Variants in FHIT observed in about 807,000 individuals in gnomAD.
FHIT encodes the protein fragile histidine triad diadenosine triphosphatase.
A neutral mutation model predicts 17.9 loss-of-function variants in FHIT; 19 were observed. The observed-to-expected ratio is 1.06, with a 90% CI of 0.74 to 1.56. The LOEUF (loss-of-function observed/expected upper bound fraction) is 1.56. Among genes scored for constraint, FHIT ranks in the 40% most tolerant of loss-of-function variants. The probability of loss-of-function intolerance (pLI) is 0.00; values close to 1 mark genes in which losing one functional copy is unlikely to be tolerated. For synonymous variants in FHIT, 81 were observed against 69.7 expected (o/e 1.16, Z -0.81); for missense variants, 248 against 189.2 (o/e 1.31, Z -1.82).
intron 3 of FHIT, among the ~76,000 whole-genome samples, chr3:60,992,301 G>A (rs748365217): frequency 1.2e-4 from 19 of 152,168 alleles, no homozygotes; most frequent in African/African-American, 4.6e-4. Context: ...GATCTAGATG[G>A]CAGTTACATG....
At chr3:60,695,264 C>CG (rs1313883015) in intron 4 of FHIT, among the ~76,000 whole-genome samples, 3 of 151,848 alleles carry the variant, frequency 2.0e-5, no homozygotes, top group Non-Finnish European at 4.4e-5. Flanking sequence ...GGTGTGGTGG[C>CG]GGGTACCTGT....
At chr3:60,862,227 G>T (rs1313618426) in intron 3 of FHIT, among the ~76,000 whole-genome samples, 1 of 152,080 alleles carries the variant, frequency 6.6e-6, no homozygotes, top group Non-Finnish European at 1.5e-5. Context: ...TGCCCAGGCT[G>T]GAGTGCGGCA....
chr3:59,902,268 T>A (rs1704363676), intron 8 of FHIT, among the ~76,000 whole-genome samples: 1 of 152,142 alleles, frequency 6.6e-6, no homozygotes, highest in Non-Finnish European at 1.5e-5. Context: ...TCACACGTGT[T>A]AGGATGGCCA....
chr3:61,180,059 A>G (rs1357579020), intron 2 of FHIT, among the ~76,000 whole-genome samples: 2 of 152,192 alleles, frequency 1.3e-5, no homozygotes, highest in Non-Finnish European at 2.9e-5. Flanking sequence ...GAGGGTGGGC[A>G]CTCTGAAAAC....
chr3:60,083,055 A>G (rs893565682), intron 5 of FHIT, among the ~76,000 whole-genome samples: 53 of 152,250 alleles, frequency 3.5e-4, no homozygotes, highest in African/African-American at 1.3e-3. Flanking sequence ...ATGTCCAGAA[A>G]GACATTTCCT....
intron 5 of FHIT, among the ~76,000 whole-genome samples, chr3:60,153,769 A>G (rs181863116): frequency 2.0e-5 from 3 of 152,286 alleles, no homozygotes; most frequent in Admixed American, 1.3e-4. Flanking sequence ...CTCTACTGAA[A>G]TAACTATGGT....
intron 8 of FHIT, among the ~76,000 whole-genome samples, chr3:59,790,429 A>G (rs1699498386): frequency 6.6e-6 from 1 of 152,178 alleles, no homozygotes; most frequent in Non-Finnish European, 1.5e-5. Flanking sequence ...TGAGCCAGCC[A>G]GCTAATTATA....
chr3:59,935,989 G>T (rs1706218597), intron 7 of FHIT, among the ~76,000 whole-genome samples: 2 of 152,124 alleles, frequency 1.3e-5, no homozygotes, highest in Admixed American at 1.3e-4. Context: ...TTACCAAAAT[G>T]TAAGTTTGAA....
chr3:60,900,452 A>AG (rs1197790815), intron 3 of FHIT, among the ~76,000 whole-genome samples: 2 of 151,724 alleles, frequency 1.3e-5, no homozygotes, highest in Non-Finnish European at 1.5e-5. Flanking sequence ...AAAAGAAAAA[A>AG]AAAAGAAAAA....
intron 4 of FHIT, among the ~76,000 whole-genome samples, chr3:60,632,473 G>A (rs1367255697): frequency 6.6e-6 from 1 of 152,188 alleles, no homozygotes; most frequent in African/African-American, 2.4e-5. Context: ...AGGTGTTGTA[G>A]GAGAGCGCGT....
At chr3:61,089,944 G>A (rs1259048989) in intron 2 of FHIT, among the ~76,000 whole-genome samples, 1 of 152,162 alleles carries the variant, frequency 6.6e-6, no homozygotes, top group Non-Finnish European at 1.5e-5. Context: ...AGAGAAGCAA[G>A]CATCAGATAA....
intron 3 of FHIT, among the ~76,000 whole-genome samples, chr3:60,955,631 TATACACACAC>T (rs1709111355): frequency 6.4e-5 from 3 of 46,524 alleles, no homozygotes; most frequent in Admixed American, 2.3e-4. Flanking sequence ...TATATATATA[TATACACACAC>T]ACACATATAT....
intron 3 of FHIT, among the ~76,000 whole-genome samples, chr3:60,889,445 T>C (rs1423177092): frequency 6.6e-6 from 1 of 152,252 alleles, no homozygotes; most frequent in Admixed American, 6.5e-5. Flanking sequence ...CGAAACTTTA[T>C]ATATAACAAC....
At chr3:60,974,113 C>T (rs958543115) in intron 3 of FHIT, among the ~76,000 whole-genome samples, 2 of 152,184 alleles carry the variant, frequency 1.3e-5, no homozygotes, top group African/African-American at 2.4e-5. Context: ...CTCAGGTGGA[C>T]ATTAGTTAAT....
intron 5 of FHIT, among the ~76,000 whole-genome samples, chr3:60,428,833 G>A (rs955196234): frequency 2.0e-5 from 3 of 152,098 alleles, no homozygotes; most frequent in Non-Finnish European, 4.4e-5. Flanking sequence ...GAGAGAGGCA[G>A]ATACTAGTGT....
At chr3:61,173,683 T>C (rs1375675208) in intron 2 of FHIT, among the ~76,000 whole-genome samples, 3 of 152,304 alleles carry the variant, frequency 2.0e-5, no homozygotes, top group African/African-American at 7.2e-5. Flanking sequence ...AAGAGACTGT[T>C]AGGTTATAAA....
intron 4 of FHIT, among the ~76,000 whole-genome samples, chr3:60,778,623 A>G (rs1700280999): frequency 6.6e-6 from 1 of 152,232 alleles, no homozygotes; most frequent in Non-Finnish European, 1.5e-5. Flanking sequence ...CCTATGAACA[A>G]AGTTTGAAGC....
intron 8 of FHIT, among the ~76,000 whole-genome samples, chr3:59,859,722 C>CAACA (rs527551048): frequency 1.3e-4 from 20 of 152,094 alleles, no homozygotes; most frequent in African/African-American, 2.4e-4. Flanking sequence ...CTCTGACTCT[C>CAACA]AACAAACAAA....
intron 1 of FHIT, among the ~76,000 whole-genome samples, chr3:61,230,927 T>G (rs2040084143): frequency 6.6e-6 from 1 of 152,200 alleles, no homozygotes; most frequent in Non-Finnish European, 1.5e-5. Context: ...TTCAGAACTG[T>G]GGATTCTATC....
Sources: allele counts gnomAD v4.1 joint callset (sites outside exome capture counted in the v4.1 genomes callset), GRCh38; gene constraint gnomAD v4.1.1; transcripts MANE v1.5; gene names NCBI Gene and HGNC (gene_info 2026-07-23, HGNC 2026-07-21).